Variants in MYPN observed in about 807,000 individuals in gnomAD.
MYPN encodes the protein sarcomeric protein myopalladin, 145 kDa (MYOP).
A neutral mutation model predicts 129.4 loss-of-function variants in MYPN; 63 were observed. The observed-to-expected ratio is 0.49, with a 90% confidence interval of 0.40 to 0.60. The LOEUF (loss-of-function observed/expected upper bound fraction) is 0.60. MYPN is among the 20% of genes least tolerant of loss of function. The pLI is 0.00. For synonymous variants in MYPN, 629 were observed against 600.9 expected (o/e 1.05, Z -0.68); for missense variants, 1,596 against 1,635.4 (o/e 0.98, Z 0.42).
In MYPN at chr10:68,210,513, G is replaced by C. The variant is rs1159637821; in HGVS notation, c.*58G>C. 6.2e-7 allele frequency: 1 copy of C among 1,602,626 alleles called. No homozygotes were observed. The highest frequency in any genetic ancestry group is 8.5e-7 in the Non-Finnish European group (1 of 1,173,772). On this transcript the variant is annotated 3_prime_UTR_variant, in exon 20 of 20. Coordinates refer to ENST00000358913, the MANE Select transcript of MYPN (RefSeq NM_032578.4). ...GACTGTGGAGGGGGAATGAGAACAAGCCAGACTTGGTGGTTTCCAAGCAAC... is the reference window on the plus strand; with the variant it reads ...GACTGTGGAGGGGGAATGAGAACAACCCAGACTTGGTGGTTTCCAAGCAAC...
chr10:68,196,521 T>G, intron 15 of MYPN, among the ~76,000 whole-genome samples: 1 of 128,848 alleles, frequency 7.8e-6, no homozygotes, highest in African/African-American at 2.8e-5. Context: ...TCTCACTCTG[T>G]CACCCAGGCT....
intron 10 of MYPN, among the ~76,000 whole-genome samples, chr10:68,173,675 C>T (rs2043177788): frequency 6.6e-6 from 1 of 151,496 alleles, no homozygotes; most frequent in Non-Finnish European, 1.5e-5. Context: ...GATCAGGACT[C>T]ACTGCAATCT....
rs771388463 is a variant in MYPN, at chr10:68,158,545, AG to A, written c.1379del (p.Gly460GlufsTer15). On this transcript the variant is annotated frameshift_variant, in exon 7 of 20. Transcript: ENST00000358913. LOFTEE classifies it high-confidence loss of function. ...TGGTTGTCTTTGAATGCAGAGTAAA[AG>A]GAGCTCCATCTCCTAAGGTTGAGTG... Reference protein sequence around the residue: ...QLVVFECRVKGAPSPKVEWYR... With the variant: ...QLVVFECRVKXAPSPKVEWYR... 1 of 1,613,654 alleles carries A rather than the reference AG, an allele frequency of 6.2e-7. No homozygotes were observed. The highest frequency in any genetic ancestry group is 8.5e-7 in the Non-Finnish European group (1 of 1,179,542).
At chr10:68,151,498 T>A (rs1214188809) in intron 6 of MYPN, among the ~76,000 whole-genome samples, 1 of 152,170 alleles carries the variant, frequency 6.6e-6, no homozygotes, top group East Asian at 1.9e-4. Context: ...GGTGGACCTT[T>A]ATGCGGGGGG....
intron 19 of MYPN, among the ~76,000 whole-genome samples, chr10:68,208,317 T>C (rs1288649903): frequency 6.6e-6 from 1 of 152,234 alleles, no homozygotes; most frequent in Non-Finnish European, 1.5e-5. Flanking sequence ...CTTTATTTAG[T>C]ACCATACAGG....
At chr10:68,140,013 A>G (rs2042549978) in intron 2 of MYPN, among the ~76,000 whole-genome samples, 1 of 152,210 alleles carries the variant, frequency 6.6e-6, no homozygotes, top group Non-Finnish European at 1.5e-5. Flanking sequence ...GGAATGACTG[A>G]GGATAAGGGG....
In MYPN at chr10:68,199,560, G is replaced by T. The variant is rs1463553927; in HGVS notation, c.3478G>T (p.Glu1160Ter). Residue 1160 changes from glutamate (E) to a stop codon, truncating the protein, a stop_gained, in exon 17 of 20, where the codon GAG (glutamate) becomes TAG (stop). Transcript: ENST00000358913. LOFTEE classifies it high-confidence loss of function. ...AACCGGGCAGAATTCTTTTAGTCTG[G>T]AGCTCTCTGTAGTAGGTAAGGTTTG... ...NKTGQNSFSL[E>*]LSVVAKEVKK... 1.2e-6 allele frequency: 2 copies of T among 1,609,724 alleles called. No individual in the cohort carries two copies. Among genetic ancestry groups the T allele is most frequent in the Non-Finnish European group, 1.7e-6 (2 of 1,178,322 alleles).
chr10:68,167,841 C>T (rs2043077696), intron 10 of MYPN, among the ~76,000 whole-genome samples: 1 of 152,154 alleles, frequency 6.6e-6, no homozygotes, highest in Admixed American at 6.5e-5. Context: ...AACAGGAATC[C>T]ACTTAAAGTA....
chr10:68,117,314 C>G (rs1473400223), intron 1 of MYPN, among the ~76,000 whole-genome samples: 1 of 151,930 alleles, frequency 6.6e-6, no homozygotes, highest in East Asian at 1.9e-4. Flanking sequence ...TATTGACCAC[C>G]TTCTATGTGC....
At chr10:68,178,188 A>C (rs1291325744) in intron 12 of MYPN, among the ~76,000 whole-genome samples, 1 of 152,250 alleles carries the variant, frequency 6.6e-6, no homozygotes, top group Non-Finnish European at 1.5e-5. Flanking sequence ...TGAAATGAGA[A>C]GGTGCCATCC....
chr10:68,113,507 G>A (rs2042109679), intron 1 of MYPN, among the ~76,000 whole-genome samples: 1 of 152,052 alleles, frequency 6.6e-6, no homozygotes, highest in African/African-American at 2.4e-5. Context: ...ACCAGCCTGA[G>A]CAACATAGGA....
chr10:68,161,744 C>A lies in MYPN; in HGVS notation c.1475C>A (p.Ala492Glu). Residue 492 changes from alanine to glutamate, a missense_variant, in exon 8 of 20, where the codon GCA (alanine) becomes GAA (glutamate). Transcript: ENST00000358913. ...RILQKKPRSM[A>E]EPEEICTLVI... ...TTTCTTTTAGAACCTCGATCCATGG[C>A]AGAGCCAGGTAAAGATGATTTCAAC... The A allele has an allele frequency of 6.2e-7, 1 of 1,610,326 alleles. No individual in the cohort carries two copies. Among genetic ancestry groups the A allele is most frequent in the Non-Finnish European group, 8.5e-7 (1 of 1,177,222 alleles).
At chr10:68,139,064 C>A (rs1415305260) in intron 2 of MYPN, among the ~76,000 whole-genome samples, 1 of 152,096 alleles carries the variant, frequency 6.6e-6, no homozygotes, top group East Asian at 1.9e-4. Context: ...TAGAGAAATC[C>A]CTTTAGAAGC....
upstream of MYPN, chr10:68,106,625 T>A (rs2042015791): frequency 1.4e-6 from 1 of 704,322 alleles, no homozygotes; most frequent in Non-Finnish European, 2.6e-6. Context: ...AGCTTTGGTA[T>A]ATGTGAGTAA....
chr10:68,201,044 G>A (rs748798823), intron 17 of MYPN, among the ~76,000 whole-genome samples: 1 of 152,066 alleles, frequency 6.6e-6, no homozygotes. Flanking sequence ...GCACAGTCTT[G>A]TGTGTGTGTG....
chr10:68,194,521 G>T lies in MYPN; in HGVS notation c.3075+9G>T, dbSNP rs370764417. On this transcript the variant is annotated intron_variant, in intron 14 of 19. Coordinates refer to ENST00000358913, the MANE Select transcript of MYPN (RefSeq NM_032578.4). Reference sequence around the variant, plus strand: ...TGGCAGCCAACCCCCAGGTGGAGACGCAGGGTTCTGCGCTGTGCTGCACTC... The same window carrying T: ...TGGCAGCCAACCCCCAGGTGGAGACTCAGGGTTCTGCGCTGTGCTGCACTC... 1 of 1,612,340 alleles carries T rather than the reference G, an allele frequency of 6.2e-7. No individual in the cohort carries two copies. Among genetic ancestry groups the T allele is most frequent in the East Asian group, 2.2e-5 (1 of 44,794 alleles).
In MYPN at chr10:68,211,296, G is replaced by A; in HGVS notation, c.*841G>A. ...TAGCTTCAACTACCACTTACAAAATGTGCAAGAGTCATCATTTGCCCATAA... is the reference window on the plus strand; with the variant it reads ...TAGCTTCAACTACCACTTACAAAATATGCAAGAGTCATCATTTGCCCATAA... On this transcript the variant is annotated 3_prime_UTR_variant, in exon 20 of 20. Transcript: ENST00000358913. The A allele has an allele frequency of 2.2e-6, 1 of 454,064 alleles. No homozygotes were observed. Among genetic ancestry groups the A allele is most frequent in the Non-Finnish European group, 4.4e-6 (1 of 226,786 alleles). 28.1% of individuals were successfully genotyped at this position (454,064 alleles called of 1,614,324 possible).
At chr10:68,108,812 C>T (rs962382113), upstream of MYPN, among the ~76,000 whole-genome samples, 2 of 152,126 alleles carry the variant, frequency 1.3e-5, no homozygotes, top group Non-Finnish European at 2.9e-5. Flanking sequence ...ACCTCTACCT[C>T]CCCGGTTCAA....
At chr10:68,114,308 A>G (rs1413233196) in intron 1 of MYPN, 1 of 151,894 alleles carries the variant, frequency 6.6e-6, no homozygotes, top group African/African-American at 2.4e-5. Context: ...TATCAGCCTC[A>G]AACTTTTGTT....
Sources: gnomAD v4.1 joint callset for allele counts (sites outside exome capture counted in the v4.1 genomes callset) on GRCh38, gnomAD v4.1.1 for gene constraint, MANE v1.5 for transcripts, NCBI Gene and HGNC (gene_info 2026-07-23, HGNC 2026-07-21) for gene names.